GTPBP1: variants seen among roughly 807,000 people sequenced by gnomAD.
GTPBP1 encodes the protein GTP binding protein 1.
In GTPBP1, 23 loss-of-function variants were observed where a neutral mutation model predicts 62.0. That is an observed-to-expected ratio of 0.37 (90% CI 0.27 to 0.53). The LOEUF is 0.53. Ranked by LOEUF, GTPBP1 falls within the 20% of genes least tolerant of loss-of-function variation. GTPBP1 has a pLI of 0.89. For missense variants in GTPBP1, 640 were observed against 917.3 expected (o/e 0.70, Z 3.90); for synonymous variants, 344 against 364.4 (o/e 0.94, Z 0.64).
chr22:38,736,794 C>G (rs1281767491), downstream of GTPBP1: 1 of 163,442 alleles, frequency 6.1e-6, no homozygotes, highest in African/African-American at 2.4e-5. Flanking sequence ...TGCCACAGGC[C>G]TAGCACACTC....
At chr22:38,729,805 A>G (rs2092747250) in intron 11 of GTPBP1, 143 bp downstream of exon 11, 1 of 517,842 alleles carries the variant, frequency 1.9e-6, no homozygotes, top group Non-Finnish European at 3.1e-6. Flanking sequence ...GCTCCTAAGA[A>G]TGAGGCATTT....
downstream of GTPBP1, chr22:38,739,217 G>A (rs35693071): frequency 5.1e-5 from 58 of 1,141,550 alleles, no homozygotes; most frequent in Non-Finnish European, 7.2e-5. This position sits in a 1 kb window ranked among gnomAD's most constrained non-coding sequence, Gnocchi z 6.7. Context: ...ATGGGTACTA[G>A]GTTGGGTGAT....
At chr22:38,741,075 C>G (rs1251942606), downstream of GTPBP1, 3 of 1,585,718 alleles carry the variant, frequency 1.9e-6, no homozygotes, top group Non-Finnish European at 1.7e-6. Flanking sequence ...GGGACAAATA[C>G]AAGAAATACT....
intron 2 of GTPBP1, among the ~76,000 whole-genome samples, chr22:38,709,722 CCT>C (rs2092627468): frequency 6.6e-6 from 1 of 152,188 alleles, no homozygotes; most frequent in East Asian, 1.9e-4. Context: ...GCCCAGAATT[CCT>C]CTCTTGTCAG....
chr22:38,708,718 G>C (rs878878797), intron 1 of GTPBP1, 127 bp from the exon 2 acceptor site: 31 of 645,646 alleles, frequency 4.8e-5, no homozygotes, highest in South Asian at 2.1e-4. Flanking sequence ...TGAAGGGGCT[G>C]TGCAGCCTTT....
chr22:38,712,229 C>T (rs1242378260), intron 2 of GTPBP1, among the ~76,000 whole-genome samples: 1 of 151,986 alleles, frequency 6.6e-6, no homozygotes, highest in South Asian at 2.1e-4. Flanking sequence ...GAGGAGCTGC[C>T]CTTTAATTGA....
At position 38,717,009 on chromosome 22, in the gene GTPBP1, G is replaced by A. The variant is rs768486963; in HGVS notation, c.834+9G>A. 4 of 1,573,854 alleles carry A rather than the reference G, an allele frequency of 2.5e-6. No homozygotes were observed. The highest frequency in any genetic ancestry group is 3.5e-6 in the Non-Finnish European group (4 of 1,145,912). On this transcript the variant is annotated intron_variant, in intron 4 of 11. Coordinates refer to ENST00000216044, the MANE Select transcript of GTPBP1 (RefSeq NM_004286.5). ...ACTTCTGCATGCTCATGGTGAGTGG[G>A]AGGCGCCCCAAGGAGGGGAGGCGTC...
intron 2 of GTPBP1, among the ~76,000 whole-genome samples, chr22:38,712,523 A>C (rs1421878274): frequency 6.6e-6 from 1 of 152,062 alleles, no homozygotes; most frequent in Non-Finnish European, 1.5e-5. Flanking sequence ...AGAAGAGGAG[A>C]ATACATATAA....
chr22:38,710,085 C>G (rs1031158197), intron 2 of GTPBP1, among the ~76,000 whole-genome samples: 1 of 152,218 alleles, frequency 6.6e-6, no homozygotes, highest in Non-Finnish European at 1.5e-5. Flanking sequence ...GCACTTGTCT[C>G]TGTCATCTTT....
chr22:38,723,440 C>T, intron 5 of GTPBP1: 1 of 1,079,550 alleles, frequency 9.3e-7, no homozygotes, highest in Non-Finnish European at 1.4e-6. Context: ...AGAAATGCCC[C>T]AAGGAATGGC....
rs1215377551 is a variant in GTPBP1, at chr22:38,716,271, C to T, written c.485+184C>T. On this transcript the variant is annotated intron_variant, in intron 3 of 11. Coordinates refer to ENST00000216044, the MANE Select transcript of GTPBP1 (RefSeq NM_004286.5). This position sits in a 1 kb window ranked among gnomAD's most constrained non-coding sequence, Gnocchi z 5.2. ...CTTCCCTGTCACTTTGGGAAGAGCACGAGAGAGGCCAGCCGTGCATTCTGT... is the reference window on the plus strand; with the variant it reads ...CTTCCCTGTCACTTTGGGAAGAGCATGAGAGAGGCCAGCCGTGCATTCTGT... 16 of 610,408 alleles carry T rather than the reference C, an allele frequency of 2.6e-5. No homozygotes were observed. The highest frequency in any genetic ancestry group is 2.9e-5 in the Non-Finnish European group (10 of 345,094). The allele number at this position is 610,408 out of a possible 1,614,324, so 37.8% of individuals were successfully genotyped here.
downstream of GTPBP1, chr22:38,741,710 G>T: frequency 4.1e-6 from 3 of 725,432 alleles, no homozygotes; most frequent in Admixed American, 2.2e-5. Flanking sequence ...TCTGAACCAC[G>T]CAAGACTCCC....
At chr22:38,740,507 A>C, downstream of GTPBP1, 2 of 1,386,178 alleles carry the variant, frequency 1.4e-6, no homozygotes, top group Middle Eastern at 2.0e-4. The surrounding 1 kb of genome is among the most constrained non-coding windows in gnomAD (Gnocchi z 4.8). Flanking sequence ...ATGAAAGAGG[A>C]CCCCCTAGTG....
chr22:38,722,472 C>G (rs555021011), intron 5 of GTPBP1, among the ~76,000 whole-genome samples: 2 of 152,192 alleles, frequency 1.3e-5, no homozygotes, highest in African/African-American at 4.8e-5. Context: ...AAGAGTGTTT[C>G]TACTGAAGAT....
intron 5 of GTPBP1, chr22:38,722,884 C>T (rs1355223804): frequency 1.5e-6 from 2 of 1,363,290 alleles, no homozygotes; most frequent in African/African-American, 2.9e-5. Context: ...AGGGTTTCTT[C>T]CACGCTTCGG....
chr22:38,722,876 G>C (rs1022084744), intron 5 of GTPBP1: 57 of 1,410,230 alleles, frequency 4.0e-5, no homozygotes, highest in Non-Finnish European at 5.5e-5. Flanking sequence ...CCAAGTGGAG[G>C]GTTTCTTCCA....
chr22:38,738,844 C>T, downstream of GTPBP1: 1 of 1,595,348 alleles, frequency 6.3e-7, no homozygotes, highest in East Asian at 2.2e-5. This position sits in a 1 kb window ranked among gnomAD's most constrained non-coding sequence, Gnocchi z 6.6. Context: ...TGCTCAGAGC[C>T]CCCGCTGCTG....
chr22:38,720,301 C>T (rs1285938148), intron 4 of GTPBP1, among the ~76,000 whole-genome samples: 1 of 151,778 alleles, frequency 6.6e-6, no homozygotes, highest in African/African-American at 2.4e-5. Context: ...CTCACTGCAA[C>T]CTCCGCCTCC....
chr22:38,728,010 C>T lies in GTPBP1; in HGVS notation c.1565C>T (p.Ala522Val), dbSNP rs761709265. 2 of 1,613,904 alleles carry T rather than the reference C, an allele frequency of 1.2e-6. No homozygotes were observed. Among genetic ancestry groups the T allele is most frequent in the South Asian group, 2.2e-5 (2 of 91,074 alleles). Reference sequence around the variant, plus strand: ...CACTGTGGGAGCATCAGGCAGACAGCCACCATTCTGAGCATGGACAAGGAC... The same window carrying T: ...CACTGTGGGAGCATCAGGCAGACAGTCACCATTCTGAGCATGGACAAGGAC... ...MVHCGSIRQT[A>V]TILSMDKDCL... The change falls in exon 10 of 12, where the codon GCC becomes GTC. Residue 522 changes from alanine (A) to valine (V), a missense_variant. Ala to Val is a moderately conservative substitution (Grantham distance 64, BLOSUM62 0). Transcript: ENST00000216044.
Sources: gnomAD v4.1 joint callset for allele counts (sites outside exome capture counted in the v4.1 genomes callset) on GRCh38, gnomAD v4.1.1 for gene constraint, Gnocchi (gnomAD v3.1) non-coding constraint, MANE v1.5 for transcripts, NCBI Gene and HGNC (gene_info 2026-07-23, HGNC 2026-07-21) for gene names.